IQSEC1: variants seen among roughly 807,000 people sequenced by gnomAD.
IQSEC1 encodes the protein IQ motif and Sec7 domain ArfGEF 1.
A neutral mutation model predicts 91.0 loss-of-function variants in IQSEC1; 31 were observed. The ratio of observed to expected loss-of-function variants is 0.34; its 90% CI spans 0.26 to 0.46. IQSEC1 has a LOEUF of 0.46. IQSEC1 is among the 20% of genes least tolerant of loss of function. IQSEC1 has a pLI of 1.00. For missense variants in IQSEC1, 1,388 were observed against 1,575.6 expected, an observed-to-expected ratio of 0.88 and a Z score of 2.02; for synonymous variants, 699 against 662.6, an observed-to-expected ratio of 1.05 and a Z score of -0.84.
chr3:13,054,589 C>T (rs58594034), intron 1 of IQSEC1, among the ~76,000 whole-genome samples: 2,835 of 152,316 alleles, frequency 0.019, 96 homozygotes, highest in African/African-American at 0.065. Flanking sequence ...AGCCTAACAG[C>T]GATGCCAGGT....
chr3:13,072,904 C>T (rs1387301299), intron 1 of IQSEC1, 88 bp downstream of exon 1: 1 of 1,207,626 alleles, frequency 8.3e-7, no homozygotes, highest in Non-Finnish European at 1.2e-6. Context: ...CCTGCCCCTC[C>T]CCCAACGATG....
intron 1 of IQSEC1, among the ~76,000 whole-genome samples, chr3:13,003,509 T>G (rs1029067581): frequency 6.6e-6 from 1 of 152,218 alleles, no homozygotes; most frequent in Non-Finnish European, 1.5e-5. Context: ...GTATGTGGTT[T>G]ATTTTCAGGG....
chr3:13,148,683 G>C (rs1706938238), intron 2 of IQSEC1, among the ~76,000 whole-genome samples: 2 of 152,224 alleles, frequency 1.3e-5, no homozygotes, highest in Admixed American at 1.3e-4. Flanking sequence ...ACAGTCCCCG[G>C]GGCTCCCTGG....
chr3:12,901,614 A>G, intron 13 of IQSEC1, 92 bp from the exon 14 acceptor site: 1 of 1,078,050 alleles, frequency 9.3e-7, no homozygotes, highest in Non-Finnish European at 1.3e-6. Context: ...AAATTCACCC[A>G]CTGACTGCTA....
chr3:13,110,858 TA>T (rs1252524455), intron 2 of IQSEC1, among the ~76,000 whole-genome samples: 1 of 152,028 alleles, frequency 6.6e-6, no homozygotes, highest in Non-Finnish European at 1.5e-5. Flanking sequence ...AGGGCCGAAG[TA>T]AATGAACCCT....
At position 12,911,702 on chromosome 3, in the gene IQSEC1, C is replaced by T. The variant is rs967292167; in HGVS notation, c.2343G>A (p.Lys781=). Residue 781 remains lysine, a synonymous_variant, in exon 10 of 14, where the codon AAG becomes AAA. Transcript: ENST00000613206. ...GTCGGAAGCTGTACGTCACCGAGTT[C>T]TTCTTCTTCTGGAAGATCTTGGTGA... is the stretch of plus-strand genomic sequence containing the variant. ...LVVTKIFQKK[K]NSVTYSFRQS... is the part of the protein sequence containing the mutation. The T allele has an allele frequency of 2.5e-6, 4 of 1,612,794 alleles. No individual in the cohort carries two copies. The African/African-American group carries it at 5.3e-5, about 22-fold the overall frequency.
intron 3 of IQSEC1, among the ~76,000 whole-genome samples, chr3:12,931,801 G>A (rs1319136214): frequency 2.6e-5 from 4 of 152,200 alleles, no homozygotes; most frequent in Non-Finnish European, 5.9e-5. Flanking sequence ...GCCGAGTGTA[G>A]GGGAGGCCAG....
At chr3:13,252,223 C>A (rs569207186) in intron 1 of IQSEC1, among the ~76,000 whole-genome samples, 7 of 152,282 alleles carry the variant, frequency 4.6e-5, no homozygotes, top group East Asian at 3.9e-4. Context: ...CAGCCCCTGG[C>A]GTCCATCCTT....
At chr3:13,250,447 C>T (rs1157278524) in intron 1 of IQSEC1, among the ~76,000 whole-genome samples, 2 of 140,366 alleles carry the variant, frequency 1.4e-5, no homozygotes, top group African/African-American at 2.7e-5. Context: ...GAGACAGAGT[C>T]TTGCTCTGTC....
At chr3:12,984,235 T>C (rs1432224474) in intron 1 of IQSEC1, among the ~76,000 whole-genome samples, 1 of 152,124 alleles carries the variant, frequency 6.6e-6, no homozygotes, top group Admixed American at 6.5e-5. Flanking sequence ...TGGAGGGAGA[T>C]TCTAGACAAC....
intron 1 of IQSEC1, among the ~76,000 whole-genome samples, chr3:13,258,064 C>A (rs571455326): frequency 1.4e-4 from 21 of 152,196 alleles, no homozygotes; most frequent in African/African-American, 5.1e-4. Context: ...AGAAGGTGAC[C>A]TGGAGGGAGA....
At chr3:13,046,717 C>T (rs78094140) in intron 1 of IQSEC1, among the ~76,000 whole-genome samples, 24 of 152,238 alleles carry the variant, frequency 1.6e-4, no homozygotes, top group Middle Eastern at 6.8e-3. Flanking sequence ...TGCTCCCTTC[C>T]GGGACCACTT....
chr3:13,038,350 G>A (rs891536855), intron 1 of IQSEC1, among the ~76,000 whole-genome samples: 2 of 144,348 alleles, frequency 1.4e-5, no homozygotes, highest in Admixed American at 1.5e-4. Flanking sequence ...GCAACCACAT[G>A]GATGGAACTG....
chr3:13,167,851 C>T (rs961249232), intron 1 of IQSEC1, among the ~76,000 whole-genome samples: 1 of 152,234 alleles, frequency 6.6e-6, no homozygotes, highest in Non-Finnish European at 1.5e-5. Flanking sequence ...ATCTACCTTT[C>T]CCAGATGCCC....
Position 13,073,171 on chromosome 3 carries a change from G to T in IQSEC1, c.-157C>A. On this transcript the variant is annotated 5_prime_UTR_variant, in exon 1 of 14. Transcript: ENST00000613206. ...CCCGGGGGTGGCGGGCTCCTCCAGGGAGGCTGGGGCGGGAGCGGGGGGCGG... is the reference window on the plus strand; with the variant it reads ...CCCGGGGGTGGCGGGCTCCTCCAGGTAGGCTGGGGCGGGAGCGGGGGGCGG... 11 of 754,118 alleles carry T rather than the reference G, an allele frequency of 1.5e-5. No individual in the cohort carries two copies. Among genetic ancestry groups the T allele is most frequent in the East Asian group, 3.1e-5 (1 of 31,994 alleles). 46.7% of individuals were successfully genotyped at this position (754,118 alleles called of 1,614,324 possible).
intron 2 of IQSEC1, among the ~76,000 whole-genome samples, chr3:13,084,420 A>T (rs1172191406): frequency 2.6e-5 from 4 of 152,184 alleles, no homozygotes; most frequent in Admixed American, 6.5e-5. Context: ...TCATTCATTC[A>T]TCCAAACTTT....
intron 1 of IQSEC1, among the ~76,000 whole-genome samples, chr3:13,167,059 CACTGT>C (rs1693511190): frequency 6.6e-6 from 1 of 152,122 alleles, no homozygotes; most frequent in Admixed American, 6.6e-5. Flanking sequence ...GTGTGTGGTA[CACTGT>C]ATGTGGGTGT....
At chr3:13,012,476 CT>C (rs1422869929) in intron 1 of IQSEC1, among the ~76,000 whole-genome samples, 2 of 152,216 alleles carry the variant, frequency 1.3e-5, no homozygotes, top group African/African-American at 4.8e-5. Flanking sequence ...GTCATTTCCT[CT>C]TTTCTAGTCC....
At chr3:13,147,824 G>A (rs1319919969) in intron 2 of IQSEC1, among the ~76,000 whole-genome samples, 1 of 152,224 alleles carries the variant, frequency 6.6e-6, no homozygotes, top group Non-Finnish European at 1.5e-5. Flanking sequence ...GTAGAGATGA[G>A]GTTTCACCAT....
Sources: allele counts gnomAD v4.1 joint callset (sites outside exome capture counted in the v4.1 genomes callset), GRCh38; gene constraint gnomAD v4.1.1; transcripts MANE v1.5; gene names NCBI Gene and HGNC (gene_info 2026-07-23, HGNC 2026-07-21).